Variants in HDAC9 observed in about 807,000 individuals in gnomAD.
HDAC9 encodes the protein histone deacetylase 9.
In HDAC9, 41 loss-of-function variants were observed where a neutral mutation model predicts 139.4. The observed-to-expected ratio is 0.29, with a 90% CI of 0.23 to 0.38. The LOEUF (loss-of-function observed/expected upper bound fraction) is 0.38, where lower values mean the gene tolerates loss of function less well. Among genes scored for constraint, HDAC9 ranks in the 10% least tolerant of loss-of-function variants. HDAC9 has a pLI of 1.00. For missense variants in HDAC9, 1,147 were observed against 1,297.0 expected, an observed-to-expected ratio of 0.88 and a Z score of 1.78; for synonymous variants, 517 against 476.2, an observed-to-expected ratio of 1.09 and a Z score of -1.12.
chr7:18,170,242 G>T (rs1490467717), intron 2 of HDAC9, among the ~76,000 whole-genome samples: 6 of 152,138 alleles, frequency 3.9e-5, no homozygotes, highest in Admixed American at 3.9e-4. Context: ...GTGTCTATTG[G>T]CTTCATAAAA....
At chr7:18,923,517 T>G (rs1803945949) in intron 22 of HDAC9, among the ~76,000 whole-genome samples, 2 of 152,192 alleles carry the variant, frequency 1.3e-5, no homozygotes, top group African/African-American at 4.8e-5. Flanking sequence ...TCTTTATCTT[T>G]GATCTCCCCA....
chr7:18,765,594 G>C (rs934416216), intron 15 of HDAC9, among the ~76,000 whole-genome samples: 2 of 152,028 alleles, frequency 1.3e-5, no homozygotes, highest in Non-Finnish European at 2.9e-5. Context: ...AACAGAGTGA[G>C]ACTCCATCTC....
chr7:18,465,855 A>C (rs1368333435), intron 1 of HDAC9, among the ~76,000 whole-genome samples: 1 of 152,058 alleles, frequency 6.6e-6, no homozygotes, highest in East Asian at 1.9e-4. Flanking sequence ...TTCTTTTTCT[A>C]ATGTGGAGAT....
chr7:18,816,020 A>T (rs531142375), intron 17 of HDAC9, among the ~76,000 whole-genome samples: 1 of 152,316 alleles, frequency 6.6e-6, no homozygotes, highest in African/African-American at 2.4e-5. Flanking sequence ...ATGTTAGCAT[A>T]TTCGGAAATA....
intron 2 of HDAC9, among the ~76,000 whole-genome samples, chr7:18,205,988 C>T (rs1791481248): frequency 6.6e-6 from 1 of 151,992 alleles, no homozygotes; most frequent in Non-Finnish European, 1.5e-5. Flanking sequence ...CACACAGATA[C>T]AATGTAGAAA....
At chr7:18,757,754 G>C (rs1460239425) in intron 14 of HDAC9, among the ~76,000 whole-genome samples, 1 of 152,066 alleles carries the variant, frequency 6.6e-6, no homozygotes, top group East Asian at 1.9e-4. Flanking sequence ...GTGTGGGTGG[G>C]TGTGGGTAGG....
chr7:18,703,673 A>G (rs1383904022), intron 12 of HDAC9, among the ~76,000 whole-genome samples: 1 of 152,020 alleles, frequency 6.6e-6, no homozygotes, highest in Non-Finnish European at 1.5e-5. Context: ...GTTAGAAAAC[A>G]ATGAAGAGAG....
chr7:18,182,673 G>A (rs1789542778), intron 2 of HDAC9, among the ~76,000 whole-genome samples: 1 of 152,128 alleles, frequency 6.6e-6, no homozygotes, highest in Non-Finnish European at 1.5e-5. Context: ...AGACTTTGAG[G>A]GGTTAGTTAT....
intron 13 of HDAC9, among the ~76,000 whole-genome samples, chr7:18,746,052 G>C (rs1173961226): frequency 6.6e-6 from 1 of 151,054 alleles, no homozygotes; most frequent in East Asian, 1.9e-4. Flanking sequence ...AAAAATTTTT[G>C]TGGAGACAGG....
intron 2 of HDAC9, among the ~76,000 whole-genome samples, chr7:18,529,434 A>C (rs1000200621): frequency 1.3e-5 from 2 of 152,234 alleles, no homozygotes; most frequent in East Asian, 1.9e-4. Context: ...ATTCCAAGTT[A>C]AGTTTTCATC....
intron 12 of HDAC9, among the ~76,000 whole-genome samples, chr7:18,688,862 A>G (rs6950376): frequency 0.1 from 15,166 of 151,966 alleles, 804 homozygotes; most frequent in East Asian, 0.16. Flanking sequence ...TCTTTCCATG[A>G]GACACTTGGG....
intron 1 of HDAC9, among the ~76,000 whole-genome samples, chr7:18,349,056 T>A (rs1782645741): frequency 6.6e-6 from 1 of 152,146 alleles, no homozygotes; most frequent in African/African-American, 2.4e-5. Context: ...TTTAATACAG[T>A]CATTTTCCCA....
chr7:18,668,374 A>G, intron 12 of HDAC9: 2 of 932,182 alleles, frequency 2.1e-6, no homozygotes, highest in Non-Finnish European at 2.6e-6. Flanking sequence ...AAAATTGTAT[A>G]TTTTTTCCAT....
chr7:18,088,267 C>T (rs1341967867), intron 1 of HDAC9, among the ~76,000 whole-genome samples: 2 of 152,052 alleles, frequency 1.3e-5, no homozygotes, highest in Non-Finnish European at 2.9e-5. Flanking sequence ...TTAACTTCTA[C>T]CAGAAAAGAA....
In HDAC9 at chr7:18,995,245, T is replaced by C. The variant is rs61207968; in HGVS notation, c.3171-778T>C. On this transcript the variant is annotated intron_variant, in intron 25 of 25. Transcript: ENST00000686413. Reference sequence around the variant, plus strand: ...AGACGCAAACTCAATTCACCCGGCATCTCATATCCCAGTAATCTTCCCATG... The same window carrying C: ...AGACGCAAACTCAATTCACCCGGCACCTCATATCCCAGTAATCTTCCCATG... Among the ~76,000 whole-genome samples the C allele has an allele frequency of 3.7e-3, 568 of 152,344 alleles. 3 individuals carry two copies. The highest frequency in any genetic ancestry group is 0.013 in the African/African-American group (542 of 41,590).
intron 1 of HDAC9, among the ~76,000 whole-genome samples, chr7:18,400,206 C>G (rs145093109): frequency 2.3e-4 from 35 of 152,218 alleles, no homozygotes; most frequent in African/African-American, 7.9e-4. Flanking sequence ...ATTATAAGGA[C>G]TTTGGAAGAT....
intron 22 of HDAC9, among the ~76,000 whole-genome samples, chr7:18,912,405 T>C (rs947540968): frequency 6.6e-6 from 1 of 152,120 alleles, no homozygotes; most frequent in Non-Finnish European, 1.5e-5. Flanking sequence ...TGGGTATAAG[T>C]ATTAATATTA....
chr7:18,761,134 A>T (rs943775559), intron 14 of HDAC9, among the ~76,000 whole-genome samples: 6 of 152,228 alleles, frequency 3.9e-5, no homozygotes, highest in African/African-American at 1.4e-4. Flanking sequence ...TAATACTAGA[A>T]AGCACAGCCA....
intron 22 of HDAC9, among the ~76,000 whole-genome samples, chr7:18,908,836 T>A (rs953951188): frequency 1.3e-5 from 2 of 152,140 alleles, no homozygotes; most frequent in African/African-American, 4.8e-5. Flanking sequence ...ATTCCATATC[T>A]TGGCTATTGT....
Sources: allele counts gnomAD v4.1 joint callset (sites outside exome capture counted in the v4.1 genomes callset), GRCh38; gene constraint gnomAD v4.1.1; transcripts MANE v1.5; gene names NCBI Gene and HGNC (gene_info 2026-07-23, HGNC 2026-07-21).